Variants in SYTL3 observed in about 807,000 individuals in gnomAD.
SYTL3 encodes the protein synaptotagmin like 3.
Under a neutral mutation model 82.1 loss-of-function variants are expected in SYTL3, and 88 were observed. The observed-to-expected ratio is 1.07, with a 90% CI of 0.90 to 1.28. The LOEUF is 1.28. SYTL3 is among the 50% of genes most tolerant of loss of function. SYTL3 has a pLI of 0.00. For synonymous variants in SYTL3, 311 were observed against 289.4 expected (o/e 1.07, Z -0.76); for missense variants, 831 against 757.6 (o/e 1.10, Z -1.14).
intron 2 of SYTL3, among the ~76,000 whole-genome samples, chr6:158,652,576 G>T (rs113012054): frequency 1.3e-5 from 2 of 149,766 alleles, no homozygotes; most frequent in Non-Finnish European, 3.0e-5. Flanking sequence ...ACAGAGTCTC[G>T]CTCTGTCACC....
At chr6:158,648,590 CA>C (rs869171730), upstream of SYTL3, among the ~76,000 whole-genome samples, 2,505 of 131,410 alleles carry the variant, frequency 0.019, 34 homozygotes, top group East Asian at 0.083. Flanking sequence ...GACTCGGTCT[CA>C]AAAAAAAAAA....
Position 158,760,659 on chromosome 6 carries a change from G to C in SYTL3, c.1328G>C (p.Ser443Thr). ...LRAKAEKYEDSVPQSNGELTV... is the reference protein window; with the variant it reads ...LRAKAEKYEDTVPQSNGELTV... ...CCCCAGGCGGAGAAATACGAAGACA[G>C]CGTTCCTCAGAGTAATGGAGAGCTC... The change falls in exon 15 of 18, where the codon AGC becomes ACC. Residue 443 changes from serine (S) to threonine (T), a missense_variant. By Grantham distance (58) the Ser-to-Thr change is moderately conservative. Coordinates refer to ENST00000611299, the MANE Select transcript of SYTL3 (RefSeq NM_001242394.2). The C allele has an allele frequency of 6.2e-7, 1 of 1,614,042 alleles. No homozygotes were observed.
chr6:158,738,247 GT>G (rs1220936305), intron 11 of SYTL3, among the ~76,000 whole-genome samples: 1 of 152,074 alleles, frequency 6.6e-6, no homozygotes, highest in South Asian at 2.1e-4. Context: ...GATTAACACA[GT>G]TTTTTTGCTC....
chr6:158,726,098 A>C, intron 11 of SYTL3: 1 of 433,828 alleles, frequency 2.3e-6, no homozygotes, highest in Non-Finnish European at 4.5e-6. Flanking sequence ...CCAGAATGTA[A>C]TAGTTATCAA....
intron 10 of SYTL3, among the ~76,000 whole-genome samples, chr6:158,722,762 GTTTTTTTTTTT>G (rs34189391): frequency 7.4e-5 from 6 of 80,878 alleles, no homozygotes; most frequent in South Asian, 5.5e-4. Context: ...TCTCTTTTCT[GTTTTTTTTTTT>G]TTTTTTTTTT....
chr6:158,708,208 A>T (rs1180844118), intron 7 of SYTL3, 114 bp from the exon 8 acceptor site: 2 of 952,650 alleles, frequency 2.1e-6, no homozygotes, highest in Admixed American at 1.8e-5. Flanking sequence ...GAGGCAGTTT[A>T]AAAAAAAGGC....
rs758962597 is a variant in SYTL3, at chr6:158,757,291, GT to G, written c.1221del (p.Gly409GlufsTer3). ...ATCTGGGCACGCTGGCCCGGAGAGTGTTTCTTGGAGAAGTGATCATTCCTCT... is the reference window on the plus strand; with the variant it reads ...ATCTGGGCACGCTGGCCCGGAGAGTGTTCTTGGAGAAGTGATCATTCCTCT... ...WHLGTLARRV[F>X]LGEVIIPLAT... On this transcript the variant is annotated frameshift_variant, in exon 14 of 18. Coordinates refer to ENST00000611299, the MANE Select transcript of SYTL3 (RefSeq NM_001242394.2). LOFTEE classifies it high-confidence loss of function. 6 of 1,613,890 alleles carry G rather than the reference GT, an allele frequency of 3.7e-6. No individual in the cohort carries two copies. In the South Asian group the frequency reaches 6.6e-5, roughly 18 times the overall value.
At position 158,663,288 on chromosome 6, in the gene SYTL3, T is replaced by A. The variant is rs201251694; in HGVS notation, c.20T>A (p.Leu7Gln). The change falls in exon 4 of 18, where the codon CTG (leucine) becomes CAG (glutamine). Residue 7 changes from leucine (L) to glutamine (Q), a missense_variant. Physicochemically the swap from Leu to Gln is moderately radical, Grantham distance 113. Coordinates refer to ENST00000611299, the MANE Select transcript of SYTL3 (RefSeq NM_001242394.2). The part of the protein sequence containing the change: MAQEID[L>Q]SALKELEREA... Reference sequence around the variant, plus strand: ...GAAGAAATGGCCCAAGAAATAGATCTGAGTGCTCTCAAGGAGTTAGAACGC... The same window carrying A: ...GAAGAAATGGCCCAAGAAATAGATCAGAGTGCTCTCAAGGAGTTAGAACGC... The A allele has an allele frequency of 7.5e-5, 121 of 1,614,030 alleles. 1 individual carries two copies. The Middle Eastern group carries it at 1.3e-3, about 18-fold the overall frequency.
intron 12 of SYTL3, among the ~76,000 whole-genome samples, chr6:158,749,399 AAAAAAAAAAAAG>A (rs1179812854): frequency 1.3e-5 from 2 of 148,326 alleles, no homozygotes; most frequent in Non-Finnish European, 3.0e-5. Flanking sequence ...TGAAAAAAAA[AAAAAAAAAAAAG>A]AAAGAAAAAA....
At chr6:158,752,317 A>G (rs1267378411) in intron 13 of SYTL3, among the ~76,000 whole-genome samples, 1 of 152,328 alleles carries the variant, frequency 6.6e-6, no homozygotes, top group African/African-American at 2.4e-5. Context: ...GTCTCGGGCT[A>G]ACACCGGGGC....
At chr6:158,692,437 T>C (rs923545537) in intron 6 of SYTL3, among the ~76,000 whole-genome samples, 2 of 152,090 alleles carry the variant, frequency 1.3e-5, no homozygotes, top group African/African-American at 4.8e-5. Context: ...ACTAACCAGG[T>C]TAATTATTGT....
upstream of SYTL3, among the ~76,000 whole-genome samples, chr6:158,647,376 A>G (rs1037098075): frequency 9.2e-5 from 14 of 152,202 alleles, no homozygotes; most frequent in Admixed American, 8.5e-4. Flanking sequence ...CTTCACAACT[A>G]TCTGTTCACT....
chr6:158,751,141 G>A (rs966740292), intron 12 of SYTL3, among the ~76,000 whole-genome samples: 1 of 152,092 alleles, frequency 6.6e-6, no homozygotes, highest in South Asian at 2.1e-4. Context: ...AACCTAGGGG[G>A]AAGAAGAGAC....
At chr6:158,657,708 A>T (rs1016272763) in intron 2 of SYTL3, among the ~76,000 whole-genome samples, 18 of 152,176 alleles carry the variant, frequency 1.2e-4, no homozygotes, top group African/African-American at 4.1e-4. Flanking sequence ...ATCAAATCAT[A>T]TTAAGGACAT....
At chr6:158,762,625 A>G (rs1019535657) in intron 16 of SYTL3, among the ~76,000 whole-genome samples, 2 of 152,200 alleles carry the variant, frequency 1.3e-5, no homozygotes, top group African/African-American at 2.4e-5. Flanking sequence ...GACGGTCAAG[A>G]TAGAACTCAG....
chr6:158,664,662 CAT>C (rs1416608593), intron 4 of SYTL3, among the ~76,000 whole-genome samples: 1 of 152,166 alleles, frequency 6.6e-6, no homozygotes, highest in African/African-American at 2.4e-5. Flanking sequence ...AACAAAGTGA[CAT>C]AGACATAGTG....
chr6:158,763,207 A>G, intron 16 of SYTL3, 97 bp from the exon 17 acceptor site: 3 of 1,199,496 alleles, frequency 2.5e-6, no homozygotes, highest in Non-Finnish European at 2.5e-6. Context: ...TGGACTTGGC[A>G]CTTTTCTTAG....
chr6:158,724,318 G>A (rs1410403789), intron 10 of SYTL3, among the ~76,000 whole-genome samples: 1 of 152,212 alleles, frequency 6.6e-6, no homozygotes, highest in Non-Finnish European at 1.5e-5. Flanking sequence ...GGGATGGAAA[G>A]CATAAATAAT....
At chr6:158,648,681 C>T (rs1333893427), upstream of SYTL3, among the ~76,000 whole-genome samples, 5 of 151,958 alleles carry the variant, frequency 3.3e-5, no homozygotes, top group Non-Finnish European at 5.9e-5. Context: ...AAATGCCATC[C>T]TGTGGATTTT....
Sources: allele counts gnomAD v4.1 joint callset (sites outside exome capture counted in the v4.1 genomes callset), GRCh38; gene constraint gnomAD v4.1.1; transcripts MANE v1.5; gene names NCBI Gene and HGNC (gene_info 2026-07-23, HGNC 2026-07-21).